Variants in RSRC1 observed in about 807,000 individuals in gnomAD.
The protein encoded by RSRC1 is serine/Arginine-related protein 53.
RSRC1 carries 39 observed loss-of-function variants against 49.1 expected under a neutral mutation model. The observed-to-expected ratio is 0.79, with a 90% CI of 0.61 to 1.04. The LOEUF is 1.04. Among genes scored for constraint, RSRC1 ranks in the 50% least tolerant of loss-of-function variants. The pLI, the probability that RSRC1 is intolerant of heterozygous loss-of-function variation, is 0.00. For missense variants in RSRC1, 388 were observed against 402.4 expected, an observed-to-expected ratio of 0.96 and a Z score of 0.31; for synonymous variants, 143 against 130.8, an observed-to-expected ratio of 1.09 and a Z score of -0.63.
intron 1 of RSRC1, among the ~76,000 whole-genome samples, chr3:158,119,284 C>G (rs1715086978): frequency 6.6e-6 from 1 of 152,140 alleles, no homozygotes; most frequent in Non-Finnish European, 1.5e-5. Flanking sequence ...TGTTGGAATT[C>G]TCTACAGTTG....
chr3:158,116,491 G>T lies in RSRC1; in HGVS notation c.-2-5612G>T, dbSNP rs1452465024. ...CGAGTGGAAATTTAGTAAAATTTAT[G>T]ATTTTTACTGCTTTATTGAGGACAT... On this transcript the variant is annotated intron_variant, in intron 1 of 9. Coordinates refer to ENST00000611884, the MANE Select transcript of RSRC1 (RefSeq NM_001271838.2). Among the ~76,000 whole-genome samples, 3 of 151,986 alleles carry T rather than the reference G, an allele frequency of 2.0e-5. No individual in the cohort carries two copies. The East Asian group carries it at 5.8e-4, about 29-fold the overall frequency.
intron 7 of RSRC1, among the ~76,000 whole-genome samples, chr3:158,489,250 C>A (rs1738963618): frequency 6.6e-6 from 1 of 152,146 alleles, no homozygotes; most frequent in South Asian, 2.1e-4. Context: ...AATGGGAAGG[C>A]TTTGATTTAA....
chr3:158,532,000 A>T (rs1424912950), intron 7 of RSRC1, among the ~76,000 whole-genome samples: 2 of 151,644 alleles, frequency 1.3e-5, no homozygotes, highest in Non-Finnish European at 2.9e-5. Context: ...GTTTTTTATT[A>T]TCTGTCTTGT....
intron 3 of RSRC1, among the ~76,000 whole-genome samples, chr3:158,197,477 A>G (rs908899675): frequency 3.3e-5 from 5 of 152,120 alleles, no homozygotes; most frequent in South Asian, 4.2e-4. Context: ...GATTTTTTGA[A>G]GGGATTTTTT....
chr3:158,237,380 A>C (rs1723302995), intron 4 of RSRC1, among the ~76,000 whole-genome samples: 1 of 152,170 alleles, frequency 6.6e-6, no homozygotes, highest in South Asian at 2.1e-4. Context: ...TGGGTTTGAT[A>C]GTAAAGGTAT....
chr3:158,282,581 A>G (rs574172750), intron 4 of RSRC1, among the ~76,000 whole-genome samples: 25 of 152,324 alleles, frequency 1.6e-4, no homozygotes, highest in African/African-American at 5.1e-4. Context: ...TGCATTTTCA[A>G]CTTGGGACAT....
At chr3:158,345,593 G>A (rs942910265) in intron 5 of RSRC1, among the ~76,000 whole-genome samples, 1 of 151,890 alleles carries the variant, frequency 6.6e-6, no homozygotes, top group Non-Finnish European at 1.5e-5. Context: ...GGAATGCAAA[G>A]GAATTAGAAG....
intron 6 of RSRC1, among the ~76,000 whole-genome samples, chr3:158,388,612 G>GTTTTTTTTTTT: frequency 6.9e-6 from 1 of 143,952 alleles, no homozygotes; most frequent in African/African-American, 2.6e-5. Flanking sequence ...CGTGTTTTTT[G>GTTTTTTTTTTT]TTTTTTTTTT....
chr3:158,493,635 G>T (rs1296701085), intron 7 of RSRC1, among the ~76,000 whole-genome samples: 1 of 152,160 alleles, frequency 6.6e-6, no homozygotes, highest in African/African-American at 2.4e-5. Context: ...GGGTCAGAGA[G>T]CTTCATTCCA....
At chr3:158,268,641 T>G (rs893634014) in intron 4 of RSRC1, among the ~76,000 whole-genome samples, 11 of 152,222 alleles carry the variant, frequency 7.2e-5, no homozygotes, top group African/African-American at 9.6e-5. Flanking sequence ...TTGTGGCGGC[T>G]TTTTGGATTC....
At chr3:158,190,693 T>A (rs1720190300) in intron 3 of RSRC1, among the ~76,000 whole-genome samples, 1 of 151,664 alleles carries the variant, frequency 6.6e-6, no homozygotes, top group South Asian at 2.1e-4. Context: ...GTCTTCTCTA[T>A]TTCATGGTTT....
chr3:158,132,539 A>C (rs1313303605), intron 3 of RSRC1, among the ~76,000 whole-genome samples: 2 of 152,154 alleles, frequency 1.3e-5, no homozygotes, highest in African/African-American at 4.8e-5. Context: ...CAACTTGAAA[A>C]ATGCTGAGTT....
chr3:158,277,478 G>A (rs572835390), intron 4 of RSRC1, among the ~76,000 whole-genome samples: 119 of 152,204 alleles, frequency 7.8e-4, no homozygotes, highest in African/African-American at 2.5e-3. Context: ...TGAAGTAGAA[G>A]CTCCTCAATT....
At chr3:158,277,469 G>A (rs981982737) in intron 4 of RSRC1, among the ~76,000 whole-genome samples, 4 of 152,034 alleles carry the variant, frequency 2.6e-5, no homozygotes, top group Admixed American at 2.6e-4. Context: ...ACTTCCAATT[G>A]AAGTAGAAGC....
At chr3:158,148,782 T>C (rs1717328819) in intron 3 of RSRC1, among the ~76,000 whole-genome samples, 1 of 151,978 alleles carries the variant, frequency 6.6e-6, no homozygotes, top group Admixed American at 6.6e-5. Flanking sequence ...TATACGAATA[T>C]ATACTTTTTT....
At chr3:158,227,041 A>G (rs969010885) in intron 4 of RSRC1, among the ~76,000 whole-genome samples, 4 of 151,898 alleles carry the variant, frequency 2.6e-5, no homozygotes, top group Non-Finnish European at 5.9e-5. Context: ...AAAGTAAGAA[A>G]ATTAAATACT....
At chr3:158,433,787 A>T (rs539146941) in intron 6 of RSRC1, among the ~76,000 whole-genome samples, 1 of 152,016 alleles carries the variant, frequency 6.6e-6, no homozygotes, top group Non-Finnish European at 1.5e-5. Flanking sequence ...ATCTCTAGAC[A>T]TAATTTTTGT....
chr3:158,375,267 G>A (rs572757772), intron 6 of RSRC1, among the ~76,000 whole-genome samples: 2 of 151,312 alleles, frequency 1.3e-5, no homozygotes, highest in African/African-American at 4.8e-5. Flanking sequence ...CATGATCATA[G>A]CTCACTGCAG....
chr3:158,496,162 G>A (rs994987840), intron 7 of RSRC1, among the ~76,000 whole-genome samples: 3 of 151,888 alleles, frequency 2.0e-5, no homozygotes, highest in Non-Finnish European at 4.4e-5. Flanking sequence ...GTGCAATTGG[G>A]GCACAAAATT....
Sources: gnomAD v4.1 joint callset for allele counts (sites outside exome capture counted in the v4.1 genomes callset) on GRCh38, gnomAD v4.1.1 for gene constraint, MANE v1.5 for transcripts, NCBI Gene and HGNC (gene_info 2026-07-23, HGNC 2026-07-21) for gene names.